The following ARK2C variants were observed in gnomAD, a reference collection of about 807,000 sequenced individuals.
ARK2C encodes the protein E3 ubiquitin-protein ligase ARK2C.
the ARK2C span, among the ~76,000 whole-genome samples, chr18:46,370,453 G>A: frequency 1.2e-4 from 19 of 152,288 alleles, no homozygotes; most frequent in East Asian, 3.1e-3. Context: ...ATGGAGGAGG[G>A]GGTTTAGGGG....
At chr18:46,339,646 T>C in the ARK2C span, among the ~76,000 whole-genome samples, 1 of 152,240 alleles carries the variant, frequency 6.6e-6, no homozygotes. Flanking sequence ...ATAGGCTTTG[T>C]AATAAGATGG....
the ARK2C span, among the ~76,000 whole-genome samples, chr18:46,344,206 G>C: frequency 6.6e-6 from 1 of 152,212 alleles, no homozygotes; most frequent in South Asian, 2.1e-4. Context: ...AGGTGGAGAG[G>C]GGGTGGAGGA....
chr18:46,372,788 C>T, the ARK2C span, among the ~76,000 whole-genome samples: 3 of 152,230 alleles, frequency 2.0e-5, no homozygotes, highest in East Asian at 1.9e-4. Context: ...ATTTCGAGAG[C>T]GCCAAAATCC....
At chr18:46,432,721 G>C in the ARK2C span, among the ~76,000 whole-genome samples, 1 of 152,216 alleles carries the variant, frequency 6.6e-6, no homozygotes, top group African/African-American at 2.4e-5. Context: ...ACTTTGGGAG[G>C]CCGAGGCGGG....
At chr18:46,455,816 C>T in the ARK2C span, among the ~76,000 whole-genome samples, 1 of 152,284 alleles carries the variant, frequency 6.6e-6, no homozygotes, top group African/African-American at 2.4e-5. Flanking sequence ...GCCTGGGCAA[C>T]ACAGCAAGAA....
At chr18:46,335,926 C>G in the ARK2C span, 2 of 985,446 alleles carry the variant, frequency 2.0e-6, no homozygotes, top group Non-Finnish European at 2.4e-6. Context: ...TGCGCTGTGA[C>G]CCTTCTGCCT....
chr18:46,360,686 G>A, the ARK2C span, among the ~76,000 whole-genome samples: 1 of 152,158 alleles, frequency 6.6e-6, no homozygotes, highest in Non-Finnish European at 1.5e-5. Flanking sequence ...GGTGCTATGG[G>A]AGAACCCTGC....
the ARK2C span, among the ~76,000 whole-genome samples, chr18:46,429,896 T>C: frequency 6.6e-6 from 1 of 152,170 alleles, no homozygotes; most frequent in African/African-American, 2.4e-5. Flanking sequence ...GGATTATGGA[T>C]GTGAGCCACT....
the ARK2C span, among the ~76,000 whole-genome samples, chr18:46,366,904 A>G: frequency 3.3e-5 from 5 of 152,176 alleles, no homozygotes; most frequent in Non-Finnish European, 7.3e-5. Flanking sequence ...AGTCCAGCAA[A>G]AGGTCTTCTG....
At chr18:46,456,153 C>A in the ARK2C span, 1 of 933,086 alleles carries the variant, frequency 1.1e-6, no homozygotes, top group Non-Finnish European at 1.7e-6. Context: ...CACCGTGTGT[C>A]TGGGAGTTGG....
At chr18:46,362,706 C>G in the ARK2C span, among the ~76,000 whole-genome samples, 1 of 152,346 alleles carries the variant, frequency 6.6e-6, no homozygotes, top group African/African-American at 2.4e-5. Context: ...TAATGCCCTG[C>G]GACAACCACA....
At chr18:46,447,500 G>T in the ARK2C span, 2 of 1,597,364 alleles carry the variant, frequency 1.3e-6, no homozygotes, top group African/African-American at 2.7e-5. Context: ...GATGTCTGAG[G>T]TCCCTTCTCT....
chr18:46,374,001 C>A, the ARK2C span, among the ~76,000 whole-genome samples: 1 of 152,154 alleles, frequency 6.6e-6, no homozygotes, highest in East Asian at 1.9e-4. Context: ...CCAGGCCCCT[C>A]ATGTTTCTAA....
the ARK2C span, among the ~76,000 whole-genome samples, chr18:46,415,153 TGCCAG>T: frequency 2.0e-5 from 3 of 152,286 alleles, no homozygotes; most frequent in South Asian, 6.2e-4. Flanking sequence ...ACATGACCTC[TGCCAG>T]AGTTTGACTG....
the ARK2C span, among the ~76,000 whole-genome samples, chr18:46,372,659 T>C: frequency 7.9e-5 from 12 of 151,942 alleles, no homozygotes; most frequent in African/African-American, 2.7e-4. Flanking sequence ...CCTGTTAGAA[T>C]TGGGGGGCAG....
At chr18:46,395,133 G>T in the ARK2C span, among the ~76,000 whole-genome samples, 86 of 152,342 alleles carry the variant, frequency 5.6e-4, no homozygotes, top group African/African-American at 2.0e-3. Flanking sequence ...GGAGCTATGG[G>T]GTGGAGGGAT....
chr18:46,462,854 A>C, the ARK2C span: 3 of 152,182 alleles, frequency 2.0e-5, no homozygotes, highest in Admixed American at 2.0e-4. Context: ...CCAGCCCTCG[A>C]GGGGGTAATT....
chr18:46,428,059 G>T, the ARK2C span, among the ~76,000 whole-genome samples: 2 of 152,204 alleles, frequency 1.3e-5, no homozygotes, highest in African/African-American at 4.8e-5. Flanking sequence ...AGTGTGGACG[G>T]CTGCGGGAGG....
chr18:46,364,322 A>C, the ARK2C span, among the ~76,000 whole-genome samples: 1 of 151,510 alleles, frequency 6.6e-6, no homozygotes, highest in African/African-American at 2.4e-5. Context: ...TGCACTTTTT[A>C]CCAACCAAAG....
Sources: allele counts gnomAD v4.1 joint callset (sites outside exome capture counted in the v4.1 genomes callset), GRCh38; gene constraint gnomAD v4.1.1; transcripts MANE v1.5; gene names NCBI Gene and HGNC (gene_info 2026-07-23, HGNC 2026-07-21).